CCM2: variants seen among roughly 807,000 people sequenced by gnomAD.
CCM2 encodes the protein cerebral cavernous malformations 2 protein.
CCM2 carries 25 observed loss-of-function variants against 44.9 expected under a neutral mutation model. The ratio of observed to expected loss-of-function variants is 0.56; its 90% CI spans 0.41 to 0.78. The LOEUF (loss-of-function observed/expected upper bound fraction) is 0.78. CCM2 is among the 30% of genes least tolerant of loss of function. The pLI is 0.00. For missense variants in CCM2, 481 were observed against 580.6 expected (o/e 0.83, Z 1.76); for synonymous variants, 219 against 241.1 (o/e 0.91, Z 0.85).
chr7:45,059,473 G>A (rs566399685), intron 2 of CCM2, among the ~76,000 whole-genome samples: 2 of 151,890 alleles, frequency 1.3e-5, no homozygotes, highest in African/African-American at 2.4e-5. Flanking sequence ...GGCTGGGTGC[G>A]GTGGCTCATG....
rs1234614276 is a variant in CCM2 at position 45,075,928 on chromosome 7, G to C, written c.1206G>C (p.Gly402=). The change falls in exon 10 of 10, where the codon GGG becomes GGC. Residue 402 remains glycine (G), a synonymous_variant. Transcript: ENST00000258781. ...CCACATCCAGTTCCACCACCAATGGGAACAGGGCCACGGGCAGCTCTGATG... is the reference window on the plus strand; with the variant it reads ...CCACATCCAGTTCCACCACCAATGGCAACAGGGCCACGGGCAGCTCTGATG... ...LSTTSSSTTN[G]NRATGSSDDR... is the part of the protein sequence containing the mutation. The C allele has an allele frequency of 6.2e-7, 1 of 1,613,266 alleles. No homozygotes were observed. The highest frequency in any genetic ancestry group is 8.5e-7 in the Non-Finnish European group (1 of 1,180,038).
chr7:45,041,296 C>G (rs1378535239), intron 2 of CCM2, among the ~76,000 whole-genome samples: 2 of 152,170 alleles, frequency 1.3e-5, no homozygotes, highest in Non-Finnish European at 2.9e-5. Flanking sequence ...GTTGGAAACT[C>G]CTGTTTCTGG....
At chr7:45,073,196 A>G (rs1029462112) in intron 7 of CCM2, 18 of 578,872 alleles carry the variant, frequency 3.1e-5, no homozygotes, top group Admixed American at 1.2e-4. Flanking sequence ...CTGCCCAACA[A>G]TGCTGCCCAC....
intron 1 of CCM2, among the ~76,000 whole-genome samples, chr7:45,012,703 C>T (rs767553654): frequency 7.9e-5 from 12 of 151,776 alleles, no homozygotes; most frequent in Non-Finnish European, 1.3e-4. Flanking sequence ...TACAGGTGTG[C>T]GCCACCATGC....
chr7:45,046,009 A>G (rs1017955548), intron 2 of CCM2, among the ~76,000 whole-genome samples: 3 of 152,234 alleles, frequency 2.0e-5, no homozygotes, highest in African/African-American at 7.2e-5. Context: ...GACACACTGA[A>G]TTCATGGATT....
chr7:45,029,993 C>T (rs1283416504), intron 1 of CCM2, among the ~76,000 whole-genome samples: 1 of 152,174 alleles, frequency 6.6e-6, no homozygotes, highest in Non-Finnish European at 1.5e-5. Context: ...GCATATATTC[C>T]ATATGGATGT....
In CCM2 at chr7:45,038,518, G is replaced by A. The variant is rs1260545796; in HGVS notation, c.204+92G>A. On this transcript the variant is annotated intron_variant, in intron 2 of 9. Coordinates refer to ENST00000258781, the MANE Select transcript of CCM2 (RefSeq NM_031443.4). ...GACACTCTTGAGTTTATAAGACACA[G>A]CCACACAAACACCTTAGTAGTTGAT... 4.6e-6 allele frequency: 6 copies of A among 1,317,832 alleles called. No homozygotes were observed. The African/African-American group carries it at 7.2e-5, about 16-fold the overall frequency. 81.6% of individuals were successfully genotyped at this position (1,317,832 alleles called of 1,614,324 possible).
chr7:45,065,312 C>T (rs1038677093), intron 4 of CCM2, among the ~76,000 whole-genome samples: 3 of 152,210 alleles, frequency 2.0e-5, no homozygotes, highest in Admixed American at 6.5e-5. Flanking sequence ...GACCATGGTT[C>T]GCCCTACCTG....
chr7:45,067,985 A>T, intron 4 of CCM2: 1 of 235,568 alleles, frequency 4.2e-6, no homozygotes. Context: ...TAGGGAGGCA[A>T]TGGGTAGGAT....
chr7:45,052,740 T>C (rs1225055358), intron 2 of CCM2, among the ~76,000 whole-genome samples: 3 of 152,216 alleles, frequency 2.0e-5, no homozygotes, highest in Non-Finnish European at 4.4e-5. Flanking sequence ...ATAATTTCTA[T>C]AGGAGCCAGA....
intron 6 of CCM2, 190 bp from the exon 7 acceptor site, chr7:45,072,536 T>C: frequency 1.5e-6 from 1 of 669,008 alleles, no homozygotes; most frequent in Non-Finnish European, 2.7e-6. Context: ...GTATGTGGGC[T>C]CAAGTCTGGG....
intron 1 of CCM2, among the ~76,000 whole-genome samples, chr7:45,009,300 CAA>C (rs774413571): frequency 0.014 from 284 of 20,154 alleles, 1 homozygote; most frequent in African/African-American, 0.055. Context: ...GCCTCTGTCT[CAA>C]AAAAAAAAAA....
intron 4 of CCM2, chr7:45,068,071 G>C (rs1335553565): frequency 2.7e-6 from 1 of 365,742 alleles, no homozygotes; most frequent in Non-Finnish European, 5.3e-6. Context: ...CCTCAGGCCA[G>C]GCCTTTCACT....
chr7:45,052,916 G>A (rs2128741133), intron 2 of CCM2, among the ~76,000 whole-genome samples: 1 of 152,300 alleles, frequency 6.6e-6, no homozygotes, highest in Admixed American at 6.5e-5. Context: ...TCTACTTATA[G>A]CTCTTATTCT....
At chr7:45,054,246 TCAAG>T (rs1197543943) in intron 2 of CCM2, among the ~76,000 whole-genome samples, 1 of 152,110 alleles carries the variant, frequency 6.6e-6, no homozygotes, top group Non-Finnish European at 1.5e-5. Context: ...TGTGTTATAT[TCAAG>T]CAAGGAGTGT....
chr7:45,008,431 G>A (rs533731087), intron 1 of CCM2, among the ~76,000 whole-genome samples: 2 of 141,312 alleles, frequency 1.4e-5, no homozygotes, highest in East Asian at 4.1e-4. Flanking sequence ...GCGCGATCTC[G>A]GCTCACCACA....
At chr7:45,043,695 C>A (rs1163395598) in intron 2 of CCM2, 1 of 370,896 alleles carries the variant, frequency 2.7e-6, no homozygotes, top group Non-Finnish European at 5.1e-6. Flanking sequence ...TTATTTTTTT[C>A]TTTCCTTCTA....
At chr7:45,000,807 A>G (rs1031689995) in intron 1 of CCM2, among the ~76,000 whole-genome samples, 2 of 152,220 alleles carry the variant, frequency 1.3e-5, no homozygotes, top group African/African-American at 4.8e-5. Flanking sequence ...CTCGTCCACT[A>G]TCACTCAGAC....
At chr7:45,028,369 C>G (rs1209907498) in intron 1 of CCM2, among the ~76,000 whole-genome samples, 2 of 152,070 alleles carry the variant, frequency 1.3e-5, no homozygotes, top group Non-Finnish European at 2.9e-5. Context: ...TTGAAATTCG[C>G]TCTGTCAGCC....
Sources: gnomAD v4.1 joint callset for allele counts (sites outside exome capture counted in the v4.1 genomes callset) on GRCh38, gnomAD v4.1.1 for gene constraint, MANE v1.5 for transcripts, NCBI Gene and HGNC (gene_info 2026-07-23, HGNC 2026-07-21) for gene names.